The following SP3 variants were observed in gnomAD, a reference collection of about 807,000 sequenced individuals.
The protein encoded by SP3 is transcription factor Sp3.
SP3 carries 10 observed loss-of-function variants against 70.3 expected under a neutral mutation model. That is an observed-to-expected ratio of 0.14 (90% CI 0.09 to 0.24). The LOEUF is 0.24. Among genes scored for constraint, SP3 ranks in the 10% least tolerant of loss-of-function variants. The probability of loss-of-function intolerance (pLI) is 1.00; values close to 1 mark genes in which losing one functional copy is unlikely to be tolerated. For synonymous variants in SP3, 402 were observed against 333.5 expected (o/e 1.21, Z -2.24); for missense variants, 825 against 914.6 (o/e 0.90, Z 1.26).
At chr2:173,939,879 T>C (rs544131515) in intron 4 of SP3, among the ~76,000 whole-genome samples, 5 of 151,194 alleles carry the variant, frequency 3.3e-5, no homozygotes, top group East Asian at 2.0e-4. Context: ...GGAGGGGGCA[T>C]GGAAAATGGA....
Position 173,913,052 on chromosome 2 carries a change from A to G in SP3, c.2029+18T>C, listed in dbSNP as rs1357170145. 1.3e-6 allele frequency: 2 copies of G among 1,529,862 alleles called. No homozygotes were observed. Among genetic ancestry groups the G allele is most frequent in the South Asian group, 2.6e-5 (2 of 76,284 alleles). The allele number at this position is 1,529,862 out of a possible 1,614,324, so 94.8% of individuals were successfully genotyped here. A position where few individuals can be genotyped will look rare whatever the true frequency, so the allele number is the denominator to read the frequency against. On this transcript the variant is annotated intron_variant, in intron 6 of 6. Coordinates refer to ENST00000310015, the MANE Select transcript of SP3 (RefSeq NM_003111.5). ...CCCTATAATTCATTTTTGTCTGTTA[A>G]AAGTAAGTATTAGTAACCTGTATGT...
rs766610280 is a variant in SP3, at chr2:173,918,622, G to C, written c.1803C>G (p.Thr601=). Residue 601 remains threonine (T), a synonymous_variant, in exon 5 of 7, where the codon ACC becomes ACG. Coordinates refer to ENST00000310015, the MANE Select transcript of SP3 (RefSeq NM_003111.5). ...CACCACCTTCTTTACAGTTGGGACA[G>C]GTGCAAGCTACCCTCCGAAGTCTTT... is the stretch of plus-strand genomic sequence containing the variant. ...EGKRLRRVAC[T]CPNCKEGGGR... is the part of the protein sequence containing the mutation. 1.4e-5 allele frequency: 23 copies of C among 1,613,570 alleles called. No homozygotes were observed. The South Asian group carries it at 2.4e-4, about 17-fold the overall frequency.
intron 4 of SP3, among the ~76,000 whole-genome samples, chr2:173,949,465 G>C (rs1195141522): frequency 6.6e-6 from 1 of 152,048 alleles, no homozygotes; most frequent in Non-Finnish European, 1.5e-5. Flanking sequence ...CTATAGGAGA[G>C]TGAAAAGAAC....
At chr2:173,962,068 TGTG>T (rs1691106954) in intron 3 of SP3, among the ~76,000 whole-genome samples, 1 of 151,824 alleles carries the variant, frequency 6.6e-6, no homozygotes, top group Admixed American at 6.6e-5. Context: ...TGGCAGAATA[TGTG>T]TTGTCAGGAG....
At chr2:173,915,849 T>C (rs1212131067) in intron 5 of SP3, 3 of 152,108 alleles carry the variant, frequency 2.0e-5, no homozygotes, top group Non-Finnish European at 4.4e-5. Flanking sequence ...TAATTACAAC[T>C]TTTAAATATT....
chr2:173,953,868 G>A (rs1303092697), intron 4 of SP3, among the ~76,000 whole-genome samples: 1 of 151,898 alleles, frequency 6.6e-6, no homozygotes, highest in Non-Finnish European at 1.5e-5. Context: ...AGCTTCAGAA[G>A]GCTTAAATGC....
At chr2:173,961,645 A>G (rs1007022261) in intron 3 of SP3, among the ~76,000 whole-genome samples, 7 of 152,246 alleles carry the variant, frequency 4.6e-5, no homozygotes. Flanking sequence ...CAACTTTTCT[A>G]TAAATTTAAA....
At chr2:173,957,367 T>C (rs1163459587) in intron 3 of SP3, among the ~76,000 whole-genome samples, 1 of 151,832 alleles carries the variant, frequency 6.6e-6, no homozygotes, top group Non-Finnish European at 1.5e-5. Flanking sequence ...AGTCATATGA[T>C]CAAAACACTC....
chr2:173,910,358 G>A (rs566558995), intron 6 of SP3, 101 bp from the exon 7 acceptor site: 2 of 896,692 alleles, frequency 2.2e-6, no homozygotes, highest in African/African-American at 1.7e-5. Context: ...GACAGGTGAG[G>A]ATGGGAGCAG....
At position 173,965,164 on chromosome 2, in the gene SP3, C is replaced by T; in HGVS notation, c.7+1G>A. The T allele has an allele frequency of 6.5e-7, 1 of 1,547,678 alleles. No homozygotes were observed. Among genetic ancestry groups the T allele is most frequent in the Non-Finnish European group, 8.7e-7 (1 of 1,145,918 alleles). ...AGGGTTGCTCTCTCGGCTTTACGTA[C>T]CGGTCATAGTGTGTTTAGGGCACCT... is the stretch of plus-strand genomic sequence containing the variant. On this transcript the variant is annotated splice_donor_variant, in intron 1 of 6. Transcript: ENST00000310015. LOFTEE classifies it high-confidence loss of function.
intron 5 of SP3, 181 bp from the exon 6 acceptor site, chr2:173,913,447 C>T (rs1689543678): frequency 2.4e-6 from 1 of 413,010 alleles, no homozygotes; most frequent in Non-Finnish European, 4.2e-6. Context: ...CAAGCATATA[C>T]ATTTTATATA....
At position 173,964,556 on chromosome 2, in the gene SP3, G is replaced by A. The variant is rs1328923520; in HGVS notation, c.8-3C>T. ...TTGTTTCACGGGCTTTTCGGGAGCT[G>A]CAGGCACAGCGCGGGGGGGTGGGGG... On this transcript the variant is annotated splice_polypyrimidine_tract_variant and splice_region_variant and intron_variant, in intron 1 of 6. Coordinates refer to ENST00000310015, the MANE Select transcript of SP3 (RefSeq NM_003111.5). 8.1e-5 allele frequency: 52 copies of A among 639,366 alleles called. No individual in the cohort carries two copies. The highest frequency in any genetic ancestry group is 1.4e-4 in the Non-Finnish European group (47 of 341,402). The allele number at this position is 639,366 out of a possible 1,614,324, so 39.6% of individuals were successfully genotyped here.
intron 3 of SP3, 34 bp from the exon 4 acceptor site, chr2:173,956,266 T>C: frequency 2.0e-6 from 3 of 1,530,668 alleles, no homozygotes; most frequent in Non-Finnish European, 2.6e-6. Context: ...GATATATTTG[T>C]GGTATATTTA....
chr2:173,965,210 C>T lies in SP3; in HGVS notation c.-39G>A. On this transcript the variant is annotated 5_prime_UTR_variant, in exon 1 of 7. Coordinates refer to ENST00000310015, the MANE Select transcript of SP3 (RefSeq NM_003111.5). ...CACCTCAGGCGGGGCTCCCCGCCGC[C>T]TTACACATGGTGAGGAGCGAAGGCG... 3 of 1,546,458 alleles carry T rather than the reference C, an allele frequency of 1.9e-6. No individual in the cohort carries two copies. The highest frequency in any genetic ancestry group is 1.2e-5 in the South Asian group (1 of 83,630).
chr2:173,949,629 T>C (rs1490429161), intron 4 of SP3, among the ~76,000 whole-genome samples: 1 of 152,160 alleles, frequency 6.6e-6, no homozygotes, highest in Non-Finnish European at 1.5e-5. Context: ...GATCCATCCC[T>C]CTTTCGCCTG....
chr2:173,933,342 T>G (rs959050837), intron 4 of SP3, among the ~76,000 whole-genome samples: 1 of 152,116 alleles, frequency 6.6e-6, no homozygotes, highest in South Asian at 2.1e-4. Flanking sequence ...TTTCGAGTGC[T>G]TAATAGCATC....
intron 4 of SP3, among the ~76,000 whole-genome samples, chr2:173,921,895 T>G (rs1391505159): frequency 6.6e-6 from 1 of 152,116 alleles, no homozygotes; most frequent in Non-Finnish European, 1.5e-5. Flanking sequence ...TGTGGCACCT[T>G]CCCTCCTACT....
chr2:173,931,778 C>T (rs997668352), intron 4 of SP3, among the ~76,000 whole-genome samples: 1 of 152,184 alleles, frequency 6.6e-6, no homozygotes, highest in Non-Finnish European at 1.5e-5. Flanking sequence ...CCTCATGGAC[C>T]AGTATTCTGC....
rs1161204607 is a variant in SP3 at position 173,904,737 on chromosome 2, A to G, written c.*5204T>C. ...AACAGCTCCTCACGGAAGGTGGCAGAAAGTAATGCTCAGAGAAGGGATGTA... is the reference window on the plus strand; with the variant it reads ...AACAGCTCCTCACGGAAGGTGGCAGGAAGTAATGCTCAGAGAAGGGATGTA... On this transcript the variant is annotated 3_prime_UTR_variant, in exon 7 of 7. Transcript: ENST00000310015. Among the ~76,000 whole-genome samples, 4 of 152,232 alleles carry G rather than the reference A, an allele frequency of 2.6e-5. No individual in the cohort carries two copies. The East Asian group carries it at 5.8e-4, about 22-fold the overall frequency.
Sources: gnomAD v4.1 joint callset for allele counts (sites outside exome capture counted in the v4.1 genomes callset) on GRCh38, gnomAD v4.1.1 for gene constraint, MANE v1.5 for transcripts, NCBI Gene and HGNC (gene_info 2026-07-23, HGNC 2026-07-21) for gene names.